The following ARNT2 variants were observed in gnomAD, a reference collection of about 807,000 sequenced individuals.
ARNT2 encodes the protein ARNT protein 2.
Under a neutral mutation model 91.7 loss-of-function variants are expected in ARNT2, and 36 were observed. That is an observed-to-expected ratio of 0.39 (90% CI 0.30 to 0.52). The LOEUF is 0.52. Ranked by LOEUF, ARNT2 falls within the 20% of genes least tolerant of loss-of-function variation. The probability of loss-of-function intolerance (pLI) is 0.72; values close to 1 mark genes in which losing one functional copy is unlikely to be tolerated. For synonymous variants in ARNT2, 365 were observed against 347.1 expected (o/e 1.05, Z -0.57); for missense variants, 775 against 939.3 (o/e 0.83, Z 2.29).
chr15:80,528,470 T>C (rs1897679212), intron 8 of ARNT2, among the ~76,000 whole-genome samples: 1 of 152,162 alleles, frequency 6.6e-6, no homozygotes, highest in Non-Finnish European at 1.5e-5. Context: ...GACATCTATC[T>C]ATCCATCTAA....
intron 17 of ARNT2, among the ~76,000 whole-genome samples, chr15:80,583,128 A>G (rs1222650063): frequency 3.9e-5 from 6 of 152,246 alleles, no homozygotes; most frequent in Non-Finnish European, 8.8e-5. Flanking sequence ...CAGGGGAGAC[A>G]GACAGAGGTA....
At chr15:80,524,248 T>C (rs1165080697) in intron 8 of ARNT2, among the ~76,000 whole-genome samples, 1 of 152,072 alleles carries the variant, frequency 6.6e-6, no homozygotes, top group Non-Finnish European at 1.5e-5. Flanking sequence ...AAAGACAAAA[T>C]ACACAATGTT....
Position 80,413,883 on chromosome 15 carries a change from G to A in ARNT2, c.31+9337G>A, listed in dbSNP as rs74027761. Among the ~76,000 whole-genome samples, 564 of 152,258 alleles carry A rather than the reference G, an allele frequency of 3.7e-3. 5 individuals are homozygous for A. The highest frequency in any genetic ancestry group is 0.012 in the African/African-American group (505 of 41,562). ...TGCCTGTTGAGTAAGGCAACTTCCT[G>A]CCTGTTTTGGCCTGGACCACCCAAT... On this transcript the variant is annotated intron_variant, in intron 1 of 18. Coordinates refer to ENST00000303329, the MANE Select transcript of ARNT2 (RefSeq NM_014862.4).
chr15:80,459,727 C>T (rs1896526672), intron 3 of ARNT2, among the ~76,000 whole-genome samples: 1 of 152,164 alleles, frequency 6.6e-6, no homozygotes, highest in Admixed American at 6.5e-5. Flanking sequence ...TCTGTGAGTC[C>T]GTTTTTATAC....
At chr15:80,431,561 T>G (rs2141569324) in intron 1 of ARNT2, among the ~76,000 whole-genome samples, 1 of 152,330 alleles carries the variant, frequency 6.6e-6, no homozygotes, top group Middle Eastern at 3.4e-3. Context: ...TGGGCCGTAG[T>G]AGGGGAGTGG....
chr15:80,545,544 T>C (rs1020035008), intron 8 of ARNT2, among the ~76,000 whole-genome samples: 1 of 152,124 alleles, frequency 6.6e-6, no homozygotes, highest in Non-Finnish European at 1.5e-5. Context: ...GAGGAGATGA[T>C]TGGAGAGCTA....
intron 6 of ARNT2, among the ~76,000 whole-genome samples, chr15:80,513,657 A>C (rs1299858185): frequency 7.0e-6 from 1 of 143,428 alleles, no homozygotes; most frequent in Non-Finnish European, 1.5e-5. Flanking sequence ...CAGCTCCTGG[A>C]CTGGGCCCTG....
At chr15:80,574,599 C>T (rs1395324108) in intron 13 of ARNT2, among the ~76,000 whole-genome samples, 1 of 152,224 alleles carries the variant, frequency 6.6e-6, no homozygotes, top group Non-Finnish European at 1.5e-5. Context: ...CCTGTTCTTC[C>T]TCAATGTGCC....
intron 8 of ARNT2, among the ~76,000 whole-genome samples, chr15:80,517,276 C>T (rs1897452369): frequency 6.6e-6 from 1 of 152,082 alleles, no homozygotes; most frequent in African/African-American, 2.4e-5. Flanking sequence ...ACTTCATTCT[C>T]TTCTTGTTAA....
intron 9 of ARNT2, among the ~76,000 whole-genome samples, chr15:80,552,044 G>A (rs1041814427): frequency 6.6e-6 from 1 of 152,148 alleles, no homozygotes; most frequent in Non-Finnish European, 1.5e-5. Flanking sequence ...TTCTCCCTAG[G>A]ACATTGAGGG....
chr15:80,475,111 T>C lies in ARNT2; in HGVS notation c.510T>C (p.Val170=), dbSNP rs767895990. Residue 170 remains valine, a synonymous_variant, in exon 5 of 19, where the codon GTT becomes GTC. Coordinates refer to ENST00000303329, the MANE Select transcript of ARNT2 (RefSeq NM_014862.4). ...VIYVSDSVTP[V]LNQPQSEWFG... is the part of the protein sequence containing the mutation. ...ATGTGTCTGACTCCGTCACCCCTGT[T>C]CTGAACCAGCCCCAGTCAGAGTGGT... The C allele has an allele frequency of 1.2e-6, 2 of 1,614,078 alleles. No individual in the cohort carries two copies.
At chr15:80,451,129 A>G (rs150060494) in intron 2 of ARNT2, 135 bp downstream of exon 2, 632 of 869,916 alleles carry the variant, frequency 7.3e-4, no homozygotes, top group Non-Finnish European at 1.0e-3. Context: ...AACTTTTACA[A>G]GATTCCTAAA....
chr15:80,497,505 G>A (rs1897137875), intron 5 of ARNT2, among the ~76,000 whole-genome samples: 1 of 152,202 alleles, frequency 6.6e-6, no homozygotes, highest in South Asian at 2.1e-4. Context: ...TCTTCTGCAG[G>A]GCCTCTAAGT....
At chr15:80,502,044 A>C (rs1897203334) in intron 5 of ARNT2, among the ~76,000 whole-genome samples, 1 of 152,186 alleles carries the variant, frequency 6.6e-6, no homozygotes, top group Non-Finnish European at 1.5e-5. Flanking sequence ...CCATTGTGCA[A>C]CTTGAGCCCA....
Position 80,424,420 on chromosome 15 carries a change from G to T in ARNT2, c.31+19874G>T, listed in dbSNP as rs548371174. On this transcript the variant is annotated intron_variant, in intron 1 of 18. Coordinates refer to ENST00000303329, the MANE Select transcript of ARNT2 (RefSeq NM_014862.4). The stretch of plus-strand genomic sequence containing the variant: ...GTGACATTTCATTCCCACTTTTATT[G>T]GGAAGATGTCCTCATCCAAGATGTT... Among the ~76,000 whole-genome samples the T allele has an allele frequency of 3.3e-5, 5 of 152,234 alleles. No homozygotes were observed. In the South Asian group the frequency reaches 1.0e-3, roughly 32 times the overall value.
intron 5 of ARNT2, among the ~76,000 whole-genome samples, chr15:80,487,162 C>G (rs1896988919): frequency 6.6e-6 from 1 of 152,190 alleles, no homozygotes; most frequent in Non-Finnish European, 1.5e-5. Context: ...CTCCCTGCTT[C>G]TCATACCACC....
At chr15:80,490,996 G>C (rs1052330453) in intron 5 of ARNT2, among the ~76,000 whole-genome samples, 1 of 152,184 alleles carries the variant, frequency 6.6e-6, no homozygotes, top group African/African-American at 2.4e-5. Context: ...GCAGGGAAAG[G>C]CCTCTGAGGA....
chr15:80,565,007 C>T (rs760531777), intron 12 of ARNT2, among the ~76,000 whole-genome samples: 1 of 151,816 alleles, frequency 6.6e-6, no homozygotes, highest in Non-Finnish European at 1.5e-5. Flanking sequence ...ATTGCAGCCT[C>T]GACTTCCTGA....
intron 6 of ARNT2, among the ~76,000 whole-genome samples, chr15:80,510,751 C>T (rs1407929932): frequency 2.0e-5 from 3 of 152,066 alleles, no homozygotes. Flanking sequence ...ATTGCTTGAA[C>T]CTGGGAGATG....
Sources: gnomAD v4.1 joint callset for allele counts (sites outside exome capture counted in the v4.1 genomes callset) on GRCh38, gnomAD v4.1.1 for gene constraint, MANE v1.5 for transcripts, NCBI Gene and HGNC (gene_info 2026-07-23, HGNC 2026-07-21) for gene names.